UBE3D: variants seen among roughly 807,000 people sequenced by gnomAD.
The protein encoded by UBE3D is ubiquitin protein ligase E3D.
In UBE3D, 48 loss-of-function variants were observed where a neutral mutation model predicts 49.6. The observed-to-expected ratio is 0.97, with a 90% CI of 0.77 to 1.23. UBE3D has a LOEUF of 1.23. Among genes scored for constraint, UBE3D ranks in the 50% most tolerant of loss-of-function variants. UBE3D has a pLI of 0.00. For synonymous variants in UBE3D, 189 were observed against 174.2 expected (o/e 1.08, Z -0.67); for missense variants, 452 against 468.4 (o/e 0.96, Z 0.32).
At chr6:82,975,802 CGTCA>C (rs1440879683) in intron 8 of UBE3D, among the ~76,000 whole-genome samples, 1 of 151,982 alleles carries the variant, frequency 6.6e-6, no homozygotes, top group Non-Finnish European at 1.5e-5. Flanking sequence ...TTGTCATTAG[CGTCA>C]GTCAAGTTGC....
intron 9 of UBE3D, among the ~76,000 whole-genome samples, chr6:82,935,947 A>G (rs1366252865): frequency 6.6e-6 from 1 of 152,144 alleles, no homozygotes; most frequent in African/African-American, 2.4e-5. Flanking sequence ...CCTGACAATT[A>G]TATGTATTAG....
At chr6:83,044,893 A>G (rs1582733511) in intron 3 of UBE3D, among the ~76,000 whole-genome samples, 1 of 152,146 alleles carries the variant, frequency 6.6e-6, no homozygotes, top group East Asian at 1.9e-4. Flanking sequence ...GTAACTAAAC[A>G]TGACAGTGTA....
intron 9 of UBE3D, among the ~76,000 whole-genome samples, chr6:82,947,440 A>C (rs1775484888): frequency 6.6e-6 from 1 of 152,094 alleles, no homozygotes; most frequent in Non-Finnish European, 1.5e-5. Context: ...CTATGGACCA[A>C]ATAAACCTAA....
intron 8 of UBE3D, among the ~76,000 whole-genome samples, chr6:83,012,297 T>C (rs1196592806): frequency 6.6e-6 from 1 of 152,016 alleles, no homozygotes; most frequent in African/African-American, 2.4e-5. Context: ...ATGGAAGAGG[T>C]CCAATATAAT....
At chr6:82,960,112 C>A (rs1776447165) in intron 8 of UBE3D, among the ~76,000 whole-genome samples, 1 of 152,170 alleles carries the variant, frequency 6.6e-6, no homozygotes, top group South Asian at 2.1e-4. Flanking sequence ...TCCAATTTCT[C>A]CAAAGTTTTC....
At chr6:82,931,895 T>C (rs902471984) in intron 9 of UBE3D, among the ~76,000 whole-genome samples, 3 of 152,108 alleles carry the variant, frequency 2.0e-5, no homozygotes, top group Non-Finnish European at 2.9e-5. Flanking sequence ...TGAAATCTCA[T>C]CTTGAATTGT....
rs915851886 is a variant in UBE3D at position 82,920,196 on chromosome 6, T to C, written c.1150-27154A>G. On this transcript the variant is annotated intron_variant, in intron 9 of 9. Transcript: ENST00000369747. ...TGAATTATGAAACAAAGGGGATCCA[T>C]GTTTAGTAATGAATCTTTAAAGTCC... 5.9e-5 allele frequency among the ~76,000 whole-genome samples: 9 copies of C among 152,190 alleles called. 1 individual carries two copies. The highest frequency in any genetic ancestry group is 1.3e-4 in the Admixed American group (2 of 15,282).
intron 1 of UBE3D, among the ~76,000 whole-genome samples, chr6:83,059,027 T>C (rs1309453846): frequency 6.6e-6 from 1 of 152,218 alleles, no homozygotes; most frequent in Admixed American, 6.5e-5. Flanking sequence ...TTATGAGCCA[T>C]GTATGGTCTC....
At chr6:82,933,124 A>C (rs1326645668) in intron 9 of UBE3D, among the ~76,000 whole-genome samples, 6 of 152,154 alleles carry the variant, frequency 3.9e-5, no homozygotes, top group African/African-American at 1.2e-4. Flanking sequence ...AACACTGATA[A>C]AAGGCATCAC....
chr6:82,888,452 G>A (rs140828553), downstream of UBE3D, among the ~76,000 whole-genome samples: 60 of 151,854 alleles, frequency 4.0e-4, 1 homozygote, highest in Admixed American at 3.5e-3. Context: ...TGTTAAAAAG[G>A]GATCAAATAA....
intron 9 of UBE3D, among the ~76,000 whole-genome samples, chr6:82,912,143 C>T (rs781750777): frequency 3.9e-5 from 6 of 152,106 alleles, no homozygotes; most frequent in Non-Finnish European, 7.3e-5. Context: ...TCCTTCCTCC[C>T]TTCCCTCAAA....
At chr6:82,971,546 G>A (rs1777352238) in intron 8 of UBE3D, among the ~76,000 whole-genome samples, 1 of 151,876 alleles carries the variant, frequency 6.6e-6, no homozygotes, top group African/African-American at 2.4e-5. Context: ...TGAATGCAAA[G>A]TGTTTAGGAT....
chr6:82,911,196 C>CAAA (rs1156620624), intron 9 of UBE3D, among the ~76,000 whole-genome samples: 2,711 of 39,284 alleles, frequency 0.069, 515 homozygotes, highest in African/African-American at 0.12. Context: ...AACATTTTGG[C>CAAA]AAAAAAAAAA....
At chr6:82,916,817 G>A (rs1772948779) in intron 9 of UBE3D, among the ~76,000 whole-genome samples, 1 of 152,116 alleles carries the variant, frequency 6.6e-6, no homozygotes, top group Non-Finnish European at 1.5e-5. Flanking sequence ...ACAAACTAGG[G>A]GGTCTTGCAT....
intron 2 of UBE3D, 135 bp from the exon 3 acceptor site, chr6:83,054,373 A>G: frequency 1.6e-6 from 1 of 637,102 alleles, no homozygotes; most frequent in South Asian, 1.9e-5. Context: ...CATTTAATTA[A>G]TACTATCTGA....
intron 9 of UBE3D, among the ~76,000 whole-genome samples, chr6:82,901,469 G>C (rs931946073): frequency 6.6e-6 from 1 of 152,176 alleles, no homozygotes; most frequent in African/African-American, 2.4e-5. Flanking sequence ...CAGACTTACT[G>C]AATCTAGGGG....
chr6:83,065,409 G>A (rs945643533), intron 1 of UBE3D, among the ~76,000 whole-genome samples: 1 of 152,134 alleles, frequency 6.6e-6, no homozygotes, highest in Non-Finnish European at 1.5e-5. Flanking sequence ...GTCTGGTGTG[G>A]AGCTGAGACC....
intron 2 of UBE3D, among the ~76,000 whole-genome samples, chr6:83,057,608 T>G (rs1783892665): frequency 6.6e-6 from 1 of 152,002 alleles, no homozygotes; most frequent in Admixed American, 6.6e-5. Flanking sequence ...AATTTTGCTG[T>G]GGGTGGAAAA....
chr6:82,911,472 C>A (rs951853987), intron 9 of UBE3D, among the ~76,000 whole-genome samples: 2 of 152,276 alleles, frequency 1.3e-5, no homozygotes, highest in African/African-American at 4.8e-5. Context: ...TTTCTAATTA[C>A]ATGAAAATAA....
Sources: allele counts gnomAD v4.1 joint callset (sites outside exome capture counted in the v4.1 genomes callset), GRCh38; gene constraint gnomAD v4.1.1; transcripts MANE v1.5; gene names NCBI Gene and HGNC (gene_info 2026-07-23, HGNC 2026-07-21).